SERPINA1: variants seen among roughly 807,000 people sequenced by gnomAD.
SERPINA1 encodes the protein alpha-1-antitrypsin.
A neutral mutation model predicts 25.4 loss-of-function variants in SERPINA1; 21 were observed. The ratio of observed to expected loss-of-function variants is 0.83; its 90% CI spans 0.59 to 1.19. The LOEUF (loss-of-function observed/expected upper bound fraction) is 1.19. SERPINA1 is among the 50% of genes most tolerant of loss of function. The pLI, the probability that SERPINA1 is intolerant of heterozygous loss-of-function variation, is 0.00. For missense variants in SERPINA1, 546 were observed against 509.0 expected (o/e 1.07, Z -0.70); for synonymous variants, 218 against 211.1 (o/e 1.03, Z -0.29).
chr14:94,389,816 A>G, upstream of SERPINA1: 1 of 152,254 alleles, frequency 6.6e-6, no homozygotes, highest in East Asian at 1.9e-4. Context: ...AGGATCCTCC[A>G]GCACACACAT....
chr14:94,385,339 T>A (rs1216007724), intron 1 of SERPINA1, among the ~76,000 whole-genome samples: 1 of 152,166 alleles, frequency 6.6e-6, no homozygotes, highest in East Asian at 1.9e-4. Context: ...GGTTTTTGGG[T>A]TTTTTTTGAG....
chr14:94,380,733 A>G, intron 3 of SERPINA1, 138 bp downstream of exon 3: 1 of 1,149,124 alleles, frequency 8.7e-7, no homozygotes, highest in Non-Finnish European at 1.3e-6. Context: ...CTGGAAGCCA[A>G]GTTTATACAG....
Position 94,378,385 on chromosome 14 carries a change from T to A in SERPINA1, c.*64A>T, listed in dbSNP as rs1555367723. On this transcript the variant is annotated 3_prime_UTR_variant, in exon 5 of 5. Transcript: ENST00000393087. ...ATGCAGGCAGGGACCAGCTCAACCC[T>A]TCTTTAATGTCATCCAGGGAGGGGG... is the stretch of plus-strand genomic sequence containing the variant. 2 of 1,410,998 alleles carry A rather than the reference T, an allele frequency of 1.4e-6. No homozygotes were observed. The highest frequency in any genetic ancestry group is 1.2e-5 in the South Asian group (1 of 86,550). The allele number at this position is 1,410,998 out of a possible 1,614,324, so 87.4% of individuals were successfully genotyped here. A position where few individuals can be genotyped will look rare whatever the true frequency, so the allele number is the denominator to read the frequency against.
intron 4 of SERPINA1, chr14:94,379,112 C>T: frequency 1.8e-6 from 1 of 571,032 alleles, no homozygotes; most frequent in Non-Finnish European, 3.1e-6. Flanking sequence ...CCAAATCTCA[C>T]AGATCGAAGG....
At chr14:94,386,900 A>G (rs1897323006) in intron 1 of SERPINA1, among the ~76,000 whole-genome samples, 1 of 152,212 alleles carries the variant, frequency 6.6e-6, no homozygotes, top group South Asian at 2.1e-4. Context: ...ATCTGTCCTC[A>G]AAGCTTACCC....
chr14:94,385,389 C>T lies in SERPINA1; in HGVS notation c.-4-2148G>A, dbSNP rs144718299. ...TATCTGCCAGGGTGGAGTGCAGTGG[C>T]GTGATCTCGGCTCACTGAAACCTCC... On this transcript the variant is annotated intron_variant, in intron 1 of 4. Coordinates refer to ENST00000393087, the MANE Select transcript of SERPINA1 (RefSeq NM_000295.5). Among the ~76,000 whole-genome samples, 472 of 152,324 alleles carry T rather than the reference C, an allele frequency of 3.1e-3. 2 individuals carry two copies. The highest frequency in any genetic ancestry group is 9.4e-3 in the African/African-American group (391 of 41,570).
In SERPINA1 at chr14:94,383,106, G is replaced by T. The variant is rs1214596628; in HGVS notation, c.132C>A (p.His44Gln). The T allele has an allele frequency of 6.2e-7, 1 of 1,614,226 alleles. No individual in the cohort carries two copies. Among genetic ancestry groups the T allele is most frequent in the East Asian group, 2.2e-5 (1 of 44,878 alleles). ...TGGGGGTGATCTTGTTGAAGGTTGG[G>T]TGATCCTGATCATGGTGGGATGTAT... is the stretch of plus-strand genomic sequence containing the variant. The part of the protein sequence containing the change: ...KTDTSHHDQD[H>Q]PTFNKITPNL... Residue 44 changes from histidine (H) to glutamine (Q), a missense_variant, in exon 2 of 5, where the codon CAC becomes CAA. Coordinates refer to ENST00000393087, the MANE Select transcript of SERPINA1 (RefSeq NM_000295.5).
chr14:94,389,969 T>G (rs1321396700), upstream of SERPINA1: 1 of 152,206 alleles, frequency 6.6e-6, no homozygotes, highest in African/African-American at 2.4e-5. Flanking sequence ...AATGCAACAG[T>G]TCAAGGAAAG....
At chr14:94,386,005 G>A (rs1431297865) in intron 1 of SERPINA1, among the ~76,000 whole-genome samples, 1 of 152,220 alleles carries the variant, frequency 6.6e-6, no homozygotes, top group Non-Finnish European at 1.5e-5. Flanking sequence ...GATGATGAAT[G>A]TCAGAATTGG....
intron 2 of SERPINA1, 29 bp from the exon 3 acceptor site, chr14:94,381,170 A>G: frequency 6.2e-7 from 1 of 1,606,308 alleles, no homozygotes; most frequent in Non-Finnish European, 8.5e-7. Flanking sequence ...GGGCATCACC[A>G]GGGGTGAGTG....
At chr14:94,389,873 G>A (rs547146129), upstream of SERPINA1, 211 of 152,370 alleles carry the variant, frequency 1.4e-3, 1 homozygote, top group Middle Eastern at 3.4e-3. Flanking sequence ...CAGGTGAGTT[G>A]TTTAACCGCT....
At chr14:94,386,327 C>T (rs1006257521) in intron 1 of SERPINA1, among the ~76,000 whole-genome samples, 2 of 152,136 alleles carry the variant, frequency 1.3e-5, no homozygotes, top group South Asian at 4.1e-4. Context: ...CGAGCCACTC[C>T]CTGCCTAATC....
In SERPINA1 at chr14:94,381,134, C is replaced by A. The variant is rs1445192595; in HGVS notation, c.654G>T (p.Trp218Cys). 4 of 1,612,048 alleles carry A rather than the reference C, an allele frequency of 2.5e-6. No homozygotes were observed. Among genetic ancestry groups the A allele is most frequent in the Non-Finnish European group, 3.4e-6 (4 of 1,179,926 alleles). The change falls in exon 3 of 5, where the codon TGG becomes TGT. Residue 218 changes from tryptophan to cysteine, a missense_variant. By Grantham distance (215) the Trp-to-Cys change is radical. Coordinates refer to ENST00000393087, the MANE Select transcript of SERPINA1 (RefSeq NM_000295.5). The part of the protein sequence containing the change: ...LVNYIFFKGK[W>C]ERPFEVKDTE... The stretch of plus-strand genomic sequence containing the variant: ...TGTCCTTGACTTCAAAGGGTCTCTC[C>A]CATTTGCCTGGAGAGAGGGGAAGGT...
At chr14:94,379,759 G>T (rs1896735327) in intron 3 of SERPINA1, 148 bp from the exon 4 acceptor site, 1 of 1,087,598 alleles carries the variant, frequency 9.2e-7, no homozygotes, top group Non-Finnish European at 1.4e-6. Flanking sequence ...ACTCGGCTTT[G>T]GTTTGTTCTA....
At chr14:94,387,134 C>T (rs575160040) in intron 1 of SERPINA1, among the ~76,000 whole-genome samples, 2 of 152,332 alleles carry the variant, frequency 1.3e-5, no homozygotes, top group East Asian at 3.9e-4. Context: ...ACTTCAGAGG[C>T]AGCCTGGCTA....
At chr14:94,385,360 G>C (rs553259477) in intron 1 of SERPINA1, among the ~76,000 whole-genome samples, 2 of 152,204 alleles carry the variant, frequency 1.3e-5, no homozygotes, top group African/African-American at 4.8e-5. Flanking sequence ...ACAGAGTCTC[G>C]CTTTATCTGC....
rs1302529376 is a variant in SERPINA1, at chr14:94,378,220, C to T, written c.*229G>A. On this transcript the variant is annotated 3_prime_UTR_variant, in exon 5 of 5. Transcript: ENST00000393087. Reference sequence around the variant, plus strand: ...GGATTCAGTCCCCCCTGGATTCAAGCCCAGCATGTGCCTACCCAGCCAGAT... The same window carrying T: ...GGATTCAGTCCCCCCTGGATTCAAGTCCAGCATGTGCCTACCCAGCCAGAT... The T allele has an allele frequency of 3.4e-6, 2 of 594,464 alleles. No individual in the cohort carries two copies. The highest frequency in any genetic ancestry group is 6.0e-6 in the Non-Finnish European group (2 of 335,020). 36.8% of individuals were successfully genotyped at this position (594,464 alleles called of 1,614,324 possible).
At chr14:94,384,441 G>A (rs769443772) in intron 1 of SERPINA1, among the ~76,000 whole-genome samples, 12 of 152,146 alleles carry the variant, frequency 7.9e-5, no homozygotes, top group Non-Finnish European at 1.2e-4. Context: ...TTTCATACCC[G>A]GGGCTGAGAC....
Position 94,378,469 on chromosome 14 carries a change from C to A in SERPINA1, c.1237G>T (p.Val413Leu). The A allele has an allele frequency of 1.2e-6, 2 of 1,614,088 alleles. No homozygotes were observed. The highest frequency in any genetic ancestry group is 1.7e-6 in the Non-Finnish European group (2 of 1,180,010). ...TKSPLFMGKV[V>L]NPTQK ...GGCAGTTATTTTTGGGTGGGATTCA[C>A]CACTTTTCCCATGAAGAGGGGAGAC... Residue 413 changes from valine to leucine, a missense_variant, in exon 5 of 5, where the codon GTG becomes TTG. Transcript: ENST00000393087.
Sources: gnomAD v4.1 joint callset for allele counts (sites outside exome capture counted in the v4.1 genomes callset) on GRCh38, gnomAD v4.1.1 for gene constraint, MANE v1.5 for transcripts, NCBI Gene and HGNC (gene_info 2026-07-23, HGNC 2026-07-21) for gene names.